The following SPIRE2 variants were observed in gnomAD, a reference collection of about 807,000 sequenced individuals.
SPIRE2 encodes spire type actin nucleation factor 2.
In SPIRE2, 76 loss-of-function variants were observed where a neutral mutation model predicts 80.7. The ratio of observed to expected loss-of-function variants is 0.94; its 90% CI spans 0.78 to 1.14. The LOEUF (loss-of-function observed/expected upper bound fraction) is 1.14, where lower values mean the gene tolerates loss of function less well. SPIRE2 is among the 50% of genes most tolerant of loss of function. The pLI, the probability that SPIRE2 is intolerant of heterozygous loss-of-function variation, is 0.00. For missense variants in SPIRE2, 1,196 were observed against 1,015.3 expected, an observed-to-expected ratio of 1.18 and a Z score of -2.42; for synonymous variants, 535 against 432.6, an observed-to-expected ratio of 1.24 and a Z score of -2.94.
At chr16:89,867,865 G>A (rs749347517) in intron 12 of SPIRE2, among the ~76,000 whole-genome samples, 6 of 152,168 alleles carry the variant, frequency 3.9e-5, no homozygotes, top group East Asian at 1.9e-4. Flanking sequence ...GATTACAGGC[G>A]TAAGCTACCA....
chr16:89,865,965 CAAAAAAAA>C (rs376787173), intron 12 of SPIRE2, among the ~76,000 whole-genome samples: 1 of 57,516 alleles, frequency 1.7e-5, no homozygotes, highest in African/African-American at 7.0e-5. Flanking sequence ...GAGACTGTCT[CAAAAAAAA>C]AAAAAAAAAA....
Position 89,850,674 on chromosome 16 carries a change from G to C in SPIRE2, c.645+14G>C, listed in dbSNP as rs1434967589. 1.4e-6 allele frequency: 2 copies of C among 1,460,376 alleles called. No homozygotes were observed. Among genetic ancestry groups the C allele is most frequent in the African/African-American group, 1.4e-5 (1 of 69,596 alleles). 90.5% of individuals were successfully genotyped at this position (1,460,376 alleles called of 1,614,324 possible). A position where few individuals can be genotyped will look rare whatever the true frequency, so the allele number is the denominator to read the frequency against. On this transcript the variant is annotated intron_variant, in intron 3 of 14. Coordinates refer to ENST00000378247, the MANE Select transcript of SPIRE2 (RefSeq NM_032451.2). ...GAGGCCAAGGAGGTGAGCGGTGGGTGGGGGCGACCGTGGAGGGTCCGGGAG... is the reference window on the plus strand; with the variant it reads ...GAGGCCAAGGAGGTGAGCGGTGGGTCGGGGCGACCGTGGAGGGTCCGGGAG...
intron 13 of SPIRE2, among the ~76,000 whole-genome samples, chr16:89,869,238 C>T (rs532360677): frequency 2.7e-5 from 4 of 150,848 alleles, no homozygotes; most frequent in East Asian, 2.0e-4. Flanking sequence ...TGGCAGGTCC[C>T]GTATAGTATA....
chr16:89,855,606 G>A lies in SPIRE2; in HGVS notation c.898G>A (p.Gly300Arg). ...NYKLRKVMVDGDIPPRVKKDA... is the reference protein window; with the variant it reads ...NYKLRKVMVDRDIPPRVKKDA... ...TCAGCCGTCCTCCCCGCAGGTGGAT[G>A]GGGACATCCCGCCCCGGGTGAAGAA... Residue 300 changes from glycine to arginine, a missense_variant, in exon 6 of 15, where the codon GGG (glycine) becomes AGG (arginine). By Grantham distance (125) the Gly-to-Arg change is moderately radical. Transcript: ENST00000378247. The A allele has an allele frequency of 6.2e-7, 1 of 1,612,602 alleles. No homozygotes were observed.
At chr16:89,829,323 G>T (rs1333623828) in intron 1 of SPIRE2, among the ~76,000 whole-genome samples, 1 of 152,200 alleles carries the variant, frequency 6.6e-6, no homozygotes, top group African/African-American at 2.4e-5. Flanking sequence ...AACCTGCTTG[G>T]TGTTTCTATT....
intron 12 of SPIRE2, among the ~76,000 whole-genome samples, chr16:89,864,146 A>C (rs1247735117): frequency 2.0e-5 from 3 of 152,224 alleles, no homozygotes; most frequent in Non-Finnish European, 2.9e-5. Flanking sequence ...GGTTTTCAAG[A>C]CAGCAGGCAA....
chr16:89,865,012 T>A (rs138181226), intron 12 of SPIRE2, among the ~76,000 whole-genome samples: 2 of 148,964 alleles, frequency 1.3e-5, no homozygotes, highest in Admixed American at 1.3e-4. Flanking sequence ...TCCTTTTTTT[T>A]TTTTTTTTTT....
intron 12 of SPIRE2, among the ~76,000 whole-genome samples, chr16:89,866,678 G>A (rs2041792152): frequency 7.0e-6 from 1 of 143,594 alleles, no homozygotes. Flanking sequence ...GCACAATCTC[G>A]GCTCACTGCA....
intron 12 of SPIRE2, among the ~76,000 whole-genome samples, chr16:89,867,002 A>C (rs1459868049): frequency 3.9e-5 from 6 of 152,186 alleles, no homozygotes; most frequent in Non-Finnish European, 5.9e-5. Context: ...ATCTCAGTTG[A>C]GGCCCCTCTA....
In SPIRE2 at chr16:89,866,468, G is replaced by A. The variant is rs1005731952; in HGVS notation, c.1779-1721G>A. ...ATGTGCCACCACACTTGCTAATTTC[G>A]TATTTTTAGTAGAGATGGGGTTTCT... is the stretch of plus-strand genomic sequence containing the variant. On this transcript the variant is annotated intron_variant, in intron 12 of 14. Coordinates refer to ENST00000378247, the MANE Select transcript of SPIRE2 (RefSeq NM_032451.2). Among the ~76,000 whole-genome samples the A allele has an allele frequency of 1.1e-4, 16 of 152,018 alleles. No individual in the cohort carries two copies. The East Asian group carries it at 1.9e-3, about 18-fold the overall frequency.
At chr16:89,836,625 C>T (rs1171596806) in intron 1 of SPIRE2, among the ~76,000 whole-genome samples, 1 of 152,056 alleles carries the variant, frequency 6.6e-6, no homozygotes, top group Non-Finnish European at 1.5e-5. Flanking sequence ...CCGGAATGTA[C>T]ATTCACCCAG....
Position 89,863,723 on chromosome 16 carries a change from G to C in SPIRE2, c.1711-71G>C. On this transcript the variant is annotated intron_variant, in intron 11 of 14. Coordinates refer to ENST00000378247, the MANE Select transcript of SPIRE2 (RefSeq NM_032451.2). The surrounding 1 kb of genome is among the most constrained non-coding windows in gnomAD (Gnocchi z 4.3). ...ATGATCTGGTTGGGAGCCCTGAGGG[G>C]GTAGCAGGGACAGGGCGGGACCCCA... is the stretch of plus-strand genomic sequence containing the variant. 6.2e-7 allele frequency: 1 copy of C among 1,604,320 alleles called. No homozygotes were observed. The highest frequency in any genetic ancestry group is 8.5e-7 in the Non-Finnish European group (1 of 1,171,230).
chr16:89,851,195 AGTT>A (rs1244012326), intron 3 of SPIRE2, among the ~76,000 whole-genome samples: 1 of 152,070 alleles, frequency 6.6e-6, no homozygotes, highest in Non-Finnish European at 1.5e-5. Context: ...CCGTTGCCTG[AGTT>A]GTTATCCTCT....
intron 2 of SPIRE2, chr16:89,846,800 CA>C (rs1446877158): frequency 1.5e-5 from 2 of 136,056 alleles, no homozygotes; most frequent in African/African-American, 5.6e-5. Context: ...TGTGAGCCAT[CA>C]CGCCCAGCCT....
intron 12 of SPIRE2, 96 bp from the exon 13 acceptor site, chr16:89,868,093 T>C: frequency 7.3e-7 from 1 of 1,369,346 alleles, no homozygotes; most frequent in Non-Finnish European, 1.0e-6. Context: ...CAAGGATGGT[T>C]TGACCTCGGA....
At chr16:89,837,937 C>G (rs1436001091) in intron 1 of SPIRE2, among the ~76,000 whole-genome samples, 1 of 152,230 alleles carries the variant, frequency 6.6e-6, no homozygotes, top group Non-Finnish European at 1.5e-5. Flanking sequence ...GCTAAACAAA[C>G]ACAGACTCCT....
intron 12 of SPIRE2, among the ~76,000 whole-genome samples, chr16:89,865,692 G>A (rs187982234): frequency 4.6e-5 from 7 of 152,188 alleles, no homozygotes; most frequent in African/African-American, 9.6e-5. Context: ...AGGCTGGGCC[G>A]GGCGCGGTGG....
chr16:89,845,826 G>A (rs1598222874), intron 2 of SPIRE2: 1 of 550,928 alleles, frequency 1.8e-6, no homozygotes, highest in East Asian at 3.1e-5. Flanking sequence ...GTCATGTCTG[G>A]AACGTCATGT....
At chr16:89,850,266 C>G in intron 2 of SPIRE2, 38 bp from the exon 3 acceptor site, 1 of 1,578,714 alleles carries the variant, frequency 6.3e-7, no homozygotes, top group African/African-American at 1.3e-5. Flanking sequence ...CCCCACCCCC[C>G]TGCAGTACCG....
Sources: gnomAD v4.1 joint callset for allele counts (sites outside exome capture counted in the v4.1 genomes callset) on GRCh38, gnomAD v4.1.1 for gene constraint, Gnocchi (gnomAD v3.1) non-coding constraint, MANE v1.5 for transcripts, NCBI Gene and HGNC (gene_info 2026-07-23, HGNC 2026-07-21) for gene names.